DPYD: variants seen among roughly 807,000 people sequenced by gnomAD.
DPYD encodes dihydropyrimidine dehydrogenase.
A neutral mutation model predicts 116.2 loss-of-function variants in DPYD; 109 were observed. The observed-to-expected ratio is 0.94, with a 90% confidence interval of 0.80 to 1.10. DPYD has a LOEUF of 1.10. Ranked by LOEUF, DPYD falls within the 50% of genes least tolerant of loss-of-function variation. The pLI, the probability that DPYD is intolerant of heterozygous loss-of-function variation, is 0.00. For missense variants in DPYD, 1,302 were observed against 1,254.5 expected, an observed-to-expected ratio of 1.04 and a Z score of -0.57; for synonymous variants, 440 against 432.0, an observed-to-expected ratio of 1.02 and a Z score of -0.23.
chr1:97,327,928 T>A (rs572551921), intron 16 of DPYD, among the ~76,000 whole-genome samples: 1 of 152,222 alleles, frequency 6.6e-6, no homozygotes, highest in Middle Eastern at 3.4e-3. Context: ...TACATAACAA[T>A]AGGCATTTAG....
chr1:97,344,613 A>G (rs564938859), intron 16 of DPYD, among the ~76,000 whole-genome samples: 13 of 151,714 alleles, frequency 8.6e-5, no homozygotes, highest in African/African-American at 2.4e-4. Context: ...ACACACACAC[A>G]CTACATTGAT....
rs1466115802 is a variant in DPYD, at chr1:97,522,984, C to G, written c.1525-7043G>C. Among the ~76,000 whole-genome samples the G allele has an allele frequency of 2.0e-5, 3 of 151,984 alleles. No individual in the cohort carries two copies. In the East Asian group the frequency reaches 5.8e-4, roughly 29 times the overall value. ...CTATATGCTATGAAATTGAGGAATC[C>G]GCTAACATAGTTGAAAAGGTTAAAA... On this transcript the variant is annotated intron_variant, in intron 12 of 22. Transcript: ENST00000370192.
chr1:97,360,369 T>C (rs907528574), intron 16 of DPYD, among the ~76,000 whole-genome samples: 8 of 152,188 alleles, frequency 5.3e-5, no homozygotes, highest in Admixed American at 5.2e-4. Flanking sequence ...CACCCCACTG[T>C]CCACTGTCAA....
chr1:97,229,587 T>TATATATATAA (rs1434809487), intron 19 of DPYD, among the ~76,000 whole-genome samples: 66 of 64,666 alleles, frequency 1.0e-3, no homozygotes, highest in African/African-American at 3.8e-3. Context: ...TATATATATA[T>TATATATATAA]ATACTGATTT....
At chr1:97,096,318 A>G (rs1042199369) in intron 21 of DPYD, among the ~76,000 whole-genome samples, 2 of 152,136 alleles carry the variant, frequency 1.3e-5, no homozygotes, top group Admixed American at 1.3e-4. Flanking sequence ...GAGGGCTAGA[A>G]AAGGTAAAAA....
intron 18 of DPYD, among the ~76,000 whole-genome samples, chr1:97,244,265 G>A (rs551965360): frequency 6.6e-6 from 1 of 151,948 alleles, no homozygotes; most frequent in African/African-American, 2.4e-5. Context: ...GCCATGAAAT[G>A]CCCTGAACCT....
At chr1:97,434,973 A>G (rs1278320018) in intron 14 of DPYD, among the ~76,000 whole-genome samples, 1 of 151,966 alleles carries the variant, frequency 6.6e-6, no homozygotes, top group East Asian at 1.9e-4. Context: ...AGAAATACAC[A>G]TCTGTATCCT....
intron 2 of DPYD, among the ~76,000 whole-genome samples, chr1:97,833,743 C>T (rs1216609201): frequency 6.6e-6 from 1 of 151,960 alleles, no homozygotes; most frequent in African/African-American, 2.4e-5. Context: ...CCATGAACCC[C>T]AACTCAATCC....
chr1:97,195,760 T>A (rs985955900), intron 19 of DPYD, among the ~76,000 whole-genome samples: 1 of 140,732 alleles, frequency 7.1e-6, no homozygotes, highest in Middle Eastern at 3.6e-3. Context: ...AGGTGTGAAA[T>A]TCTGGGAATG....
Position 97,822,234 on chromosome 1 carries a change from C to CTA in DPYD, c.233+5879_233+5880insTA, listed in dbSNP as rs1279015731. On this transcript the variant is annotated intron_variant, in intron 3 of 22. Transcript: ENST00000370192. ...CAAGCAATTTTGTTTCTCTCTCTCT[C>CTA]TCTATATATATATACACACACACAG... 4.0e-3 allele frequency among the ~76,000 whole-genome samples: 588 copies of CTA among 148,442 alleles called. 3 individuals are homozygous for CTA. Among genetic ancestry groups the CTA allele is most frequent in the Non-Finnish European group, 6.5e-3 (438 of 67,118 alleles).
chr1:97,718,725 G>A (rs1662757355), intron 5 of DPYD, among the ~76,000 whole-genome samples: 1 of 151,260 alleles, frequency 6.6e-6, no homozygotes, highest in African/African-American at 2.4e-5. Context: ...TAGGCAATGG[G>A]TAGAAAGATG....
intron 2 of DPYD, among the ~76,000 whole-genome samples, chr1:97,848,683 T>G (rs1670428461): frequency 6.6e-6 from 1 of 152,224 alleles, no homozygotes; most frequent in Admixed American, 6.5e-5. Context: ...AAGGAAAGAT[T>G]ATGTTGTATA....
At chr1:97,623,826 C>T (rs963630095) in intron 8 of DPYD, among the ~76,000 whole-genome samples, 2 of 151,790 alleles carry the variant, frequency 1.3e-5, no homozygotes, top group African/African-American at 4.8e-5. Flanking sequence ...AGAAATAAAC[C>T]CATGCATATA....
At chr1:97,888,277 C>A (rs1163450588) in intron 1 of DPYD, among the ~76,000 whole-genome samples, 1 of 151,776 alleles carries the variant, frequency 6.6e-6, no homozygotes, top group Non-Finnish European at 1.5e-5. Context: ...AAAGAATCAG[C>A]AAACTTAAAG....
At chr1:97,716,176 C>T (rs1662604832) in intron 5 of DPYD, among the ~76,000 whole-genome samples, 1 of 151,728 alleles carries the variant, frequency 6.6e-6, no homozygotes, top group African/African-American at 2.4e-5. Flanking sequence ...GTATATTTAC[C>T]AGACTAATTT....
intron 4 of DPYD, among the ~76,000 whole-genome samples, chr1:97,740,082 C>T (rs1373798822): frequency 1.3e-5 from 2 of 152,064 alleles, no homozygotes; most frequent in South Asian, 4.1e-4. Context: ...TGATCAATGA[C>T]AGTTCTTGTC....
At chr1:97,750,427 C>T (rs78058894) in intron 3 of DPYD, among the ~76,000 whole-genome samples, 6,103 of 152,100 alleles carry the variant, frequency 0.04, 184 homozygotes, top group South Asian at 0.076. Context: ...GTAAACCCAT[C>T]TTAGGGCATG....
At chr1:97,249,384 G>T (rs865812470) in intron 18 of DPYD, among the ~76,000 whole-genome samples, 7 of 151,534 alleles carry the variant, frequency 4.6e-5, no homozygotes, top group Non-Finnish European at 1.0e-4. Context: ...TAAGAGGAAG[G>T]GGGGAGAAAA....
At position 97,386,972 on chromosome 1, in the gene DPYD, A is replaced by G. The variant is rs557914285; in HGVS notation, c.1906-4511T>C. On this transcript the variant is annotated intron_variant, in intron 14 of 22. Coordinates refer to ENST00000370192, the MANE Select transcript of DPYD (RefSeq NM_000110.4). The stretch of plus-strand genomic sequence containing the variant: ...GAGGGAACAGATTTTTTTTCCTAAG[A>G]AAAAAAACCAGAATGATGGATATTT... 1.1e-4 allele frequency among the ~76,000 whole-genome samples: 16 copies of G among 151,810 alleles called. No homozygotes were observed. The East Asian group carries it at 1.9e-3, about 18-fold the overall frequency.
Sources: allele counts gnomAD v4.1 joint callset (sites outside exome capture counted in the v4.1 genomes callset), GRCh38; gene constraint gnomAD v4.1.1; transcripts MANE v1.5; gene names NCBI Gene and HGNC (gene_info 2026-07-23, HGNC 2026-07-21).